Variants in AFAP1L2 observed in about 807,000 individuals in gnomAD.
AFAP1L2 encodes actin filament-associated protein 1-like 2.
Under a neutral mutation model 99.3 loss-of-function variants are expected in AFAP1L2, and 46 were observed. The ratio of observed to expected loss-of-function variants is 0.46; its 90% CI spans 0.37 to 0.59. AFAP1L2 has a LOEUF of 0.59. AFAP1L2 is among the 20% of genes least tolerant of loss of function. The probability of loss-of-function intolerance (pLI) is 0.00; values close to 1 mark genes in which losing one functional copy is unlikely to be tolerated. For synonymous variants in AFAP1L2, 397 were observed against 419.1 expected, an observed-to-expected ratio of 0.95 and a Z score of 0.64; for missense variants, 959 against 1,034.9, an observed-to-expected ratio of 0.93 and a Z score of 1.01.
intron 1 of AFAP1L2, among the ~76,000 whole-genome samples, chr10:114,391,423 T>C (rs1320364679): frequency 6.6e-6 from 1 of 152,144 alleles, no homozygotes; most frequent in Non-Finnish European, 1.5e-5. Flanking sequence ...TTTCACCATG[T>C]TGGCGAGACT....
chr10:114,398,900 C>T (rs1359148906), intron 1 of AFAP1L2: 2 of 1,304,362 alleles, frequency 1.5e-6, no homozygotes, highest in South Asian at 2.5e-5. Flanking sequence ...AGCAACACCC[C>T]TGTGCTGGAA....
intron 1 of AFAP1L2, among the ~76,000 whole-genome samples, chr10:114,345,523 C>A (rs984207377): frequency 1.2e-4 from 18 of 152,280 alleles, no homozygotes; most frequent in African/African-American, 4.1e-4. Flanking sequence ...ACCATGCCAT[C>A]AGCTGTGCCC....
At chr10:114,298,856 G>A (rs2040664471) in intron 16 of AFAP1L2, among the ~76,000 whole-genome samples, 1 of 152,184 alleles carries the variant, frequency 6.6e-6, no homozygotes, top group South Asian at 2.1e-4. Flanking sequence ...ATTAACAGGT[G>A]TAGTTAATGC....
At chr10:114,314,074 A>G in intron 6 of AFAP1L2, 24 bp from the exon 7 acceptor site, 1 of 1,596,974 alleles carries the variant, frequency 6.3e-7, no homozygotes, top group Non-Finnish European at 8.6e-7. Context: ...GAGAAGATAC[A>G]CCACTTTGCC....
chr10:114,318,812 T>C (rs575444438), intron 5 of AFAP1L2, among the ~76,000 whole-genome samples: 27 of 148,794 alleles, frequency 1.8e-4, no homozygotes, highest in African/African-American at 5.7e-4. Context: ...AGCAAATATA[T>C]TAATAATTGT....
intron 1 of AFAP1L2, among the ~76,000 whole-genome samples, chr10:114,343,124 A>G (rs1307869572): frequency 1.3e-5 from 2 of 152,252 alleles, no homozygotes; most frequent in South Asian, 2.1e-4. Context: ...CTATCTAGCC[A>G]AAATACTGGA....
At chr10:114,396,723 G>A (rs2057756958) in intron 1 of AFAP1L2, among the ~76,000 whole-genome samples, 1 of 152,230 alleles carries the variant, frequency 6.6e-6, no homozygotes, top group Non-Finnish European at 1.5e-5. Flanking sequence ...GTGGGTAGCA[G>A]CAGAGTTCCC....
intron 1 of AFAP1L2, among the ~76,000 whole-genome samples, chr10:114,364,630 T>G (rs2052935728): frequency 6.6e-6 from 1 of 152,192 alleles, no homozygotes; most frequent in Non-Finnish European, 1.5e-5. Context: ...CTTGATTACA[T>G]TTGCTAAGAC....
intron 1 of AFAP1L2, among the ~76,000 whole-genome samples, chr10:114,345,050 T>C (rs2049321271): frequency 7.2e-6 from 1 of 138,372 alleles, no homozygotes; most frequent in Non-Finnish European, 1.5e-5. Flanking sequence ...TGAGCCGAGA[T>C]CACACCACTG....
intron 10 of AFAP1L2, among the ~76,000 whole-genome samples, chr10:114,306,544 T>C (rs2042485459): frequency 6.6e-6 from 1 of 151,974 alleles, no homozygotes; most frequent in Admixed American, 6.6e-5. Flanking sequence ...AATGCACAGC[T>C]ACCTTCCTGC....
chr10:114,369,534 G>T (rs1317557593), intron 1 of AFAP1L2, among the ~76,000 whole-genome samples: 1 of 148,404 alleles, frequency 6.7e-6, no homozygotes, highest in Non-Finnish European at 1.5e-5. Context: ...GGCGGAGCTT[G>T]CAGTGAGCCG....
At chr10:114,399,597 A>C (rs2058053401) in intron 1 of AFAP1L2, among the ~76,000 whole-genome samples, 1 of 152,102 alleles carries the variant, frequency 6.6e-6, no homozygotes, top group African/African-American at 2.4e-5. Flanking sequence ...CTGTCTCTCA[A>C]ATGGGAGTGA....
rs564822791 is a variant in AFAP1L2, at chr10:114,398,064, G to C, written c.16+6376C>G. ...CATCAGTCCAATGCAACGCGTCCAGGGGGAGGCAGGCTCCTCCTGTTTTTC... is the reference window on the plus strand; with the variant it reads ...CATCAGTCCAATGCAACGCGTCCAGCGGGAGGCAGGCTCCTCCTGTTTTTC... On this transcript the variant is annotated intron_variant, in intron 1 of 18. Transcript: ENST00000304129. 3.9e-5 allele frequency among the ~76,000 whole-genome samples: 6 copies of C among 152,278 alleles called. No individual in the cohort carries two copies. The South Asian group carries it at 1.0e-3, about 26-fold the overall frequency.
At chr10:114,314,188 C>G (rs554359484) in intron 6 of AFAP1L2, 138 bp from the exon 7 acceptor site, 3 of 754,434 alleles carry the variant, frequency 4.0e-6, no homozygotes, top group Non-Finnish European at 6.2e-6. Context: ...GGCTGGACAC[C>G]CCGAAGCAGG....
the AFAP1L2 span, among the ~76,000 whole-genome samples, chr10:114,288,556 T>C: frequency 7.9e-5 from 12 of 152,212 alleles, no homozygotes; most frequent in East Asian, 2.3e-3. Context: ...CCAGCAGGGC[T>C]TGGTCATCTT....
chr10:114,351,837 TCCCACAGGTA>T (rs1282399916), intron 1 of AFAP1L2, among the ~76,000 whole-genome samples: 1 of 152,156 alleles, frequency 6.6e-6, no homozygotes, highest in Non-Finnish European at 1.5e-5. Flanking sequence ...CCTCCGCCCT[TCCCACAGGTA>T]CCACACTCCA....
chr10:114,400,438 C>A (rs2058119866), intron 1 of AFAP1L2, among the ~76,000 whole-genome samples: 1 of 152,196 alleles, frequency 6.6e-6, no homozygotes, highest in South Asian at 2.1e-4. Flanking sequence ...AGCTCAGGGT[C>A]AAGTACAAGG....
chr10:114,322,539 T>C (rs569647050), intron 5 of AFAP1L2, among the ~76,000 whole-genome samples: 9 of 152,334 alleles, frequency 5.9e-5, no homozygotes, highest in African/African-American at 9.6e-5. Context: ...GGAATCTGTT[T>C]AAGTCATGCT....
At chr10:114,303,190 A>G (rs2041530731) in intron 11 of AFAP1L2, among the ~76,000 whole-genome samples, 1 of 150,290 alleles carries the variant, frequency 6.7e-6, no homozygotes, top group Non-Finnish European at 1.5e-5. Context: ...GTTTATTTTG[A>G]TGAGGAAAAT....
Sources: allele counts gnomAD v4.1 joint callset (sites outside exome capture counted in the v4.1 genomes callset), GRCh38; gene constraint gnomAD v4.1.1; transcripts MANE v1.5; gene names NCBI Gene and HGNC (gene_info 2026-07-23, HGNC 2026-07-21).